The following ACER1 variants were observed in gnomAD, a reference collection of about 807,000 sequenced individuals.
ACER1 encodes the protein CTB-180A7.3.
Under a neutral mutation model 24.9 loss-of-function variants are expected in ACER1, and 28 were observed. The ratio of observed to expected loss-of-function variants is 1.13; its 90% CI spans 0.83 to 1.54. The LOEUF (loss-of-function observed/expected upper bound fraction) is 1.54, where lower values mean the gene tolerates loss of function less well. Among genes scored for constraint, ACER1 ranks in the 40% most tolerant of loss-of-function variants. The pLI, the probability that ACER1 is intolerant of heterozygous loss-of-function variation, is 0.00. For synonymous variants in ACER1, 132 were observed against 131.4 expected, an observed-to-expected ratio of 1.00 and a Z score of -0.03; for missense variants, 352 against 349.3, an observed-to-expected ratio of 1.01 and a Z score of -0.06.
chr19:6,338,310 TA>T (rs2091722829), upstream of ACER1, among the ~76,000 whole-genome samples: 3 of 152,036 alleles, frequency 2.0e-5, no homozygotes, highest in Admixed American at 6.6e-5. Flanking sequence ...ATGTAAGTGT[TA>T]CAATTGTGGT....
At chr19:6,342,258 CTTT>C in the ACER1 span, among the ~76,000 whole-genome samples, 5,203 of 112,120 alleles carry the variant, frequency 0.046, 136 homozygotes, top group African/African-American at 0.082. Context: ...TATCCTAGTT[CTTT>C]TTTTTTTTTT....
At chr19:6,323,191 C>T (rs143102707) in intron 1 of ACER1, among the ~76,000 whole-genome samples, 9,453 of 150,630 alleles carry the variant, frequency 0.063, 392 homozygotes, top group African/African-American at 0.12. Context: ...GAGGCCAAGG[C>T]AGGCAGATCA....
the ACER1 span, among the ~76,000 whole-genome samples, chr19:6,355,777 C>T: frequency 7.5e-5 from 11 of 146,804 alleles, no homozygotes; most frequent in South Asian, 2.1e-4. Context: ...CCCGGCCAGC[C>T]GCCCCGTCCG....
At chr19:6,312,092 T>C in intron 3 of ACER1, 57 bp downstream of exon 3, 2 of 1,585,536 alleles carry the variant, frequency 1.3e-6, no homozygotes, top group Admixed American at 1.7e-5. Flanking sequence ...TGAGCTCATG[T>C]AGAGTCAACT....
the ACER1 span, among the ~76,000 whole-genome samples, chr19:6,351,053 C>T: frequency 6.6e-6 from 1 of 152,110 alleles, no homozygotes; most frequent in Non-Finnish European, 1.5e-5. Context: ...TATAATTAAA[C>T]CAGTGAAGGC....
the ACER1 span, among the ~76,000 whole-genome samples, chr19:6,357,966 G>A: frequency 6.6e-6 from 1 of 152,126 alleles, no homozygotes; most frequent in Non-Finnish European, 1.5e-5. Flanking sequence ...AGAGGACCCC[G>A]CCATCCCACG....
chr19:6,315,667 C>T (rs1275997988), intron 1 of ACER1, among the ~76,000 whole-genome samples: 1 of 150,842 alleles, frequency 6.6e-6, no homozygotes, highest in Non-Finnish European at 1.5e-5. Context: ...GCTTGAGCCA[C>T]CACGGCCAGC....
At chr19:6,333,648 G>GCA, upstream of ACER1, 5 of 1,032,184 alleles carry the variant, frequency 4.8e-6, no homozygotes, top group South Asian at 7.8e-5. Flanking sequence ...GGACAGCCCG[G>GCA]TGCCCCGCGG....
At chr19:6,328,159 A>T (rs1011761202) in intron 1 of ACER1, among the ~76,000 whole-genome samples, 1 of 151,788 alleles carries the variant, frequency 6.6e-6, no homozygotes. Flanking sequence ...ACAGTGGCAT[A>T]GTTGCGTAGT....
chr19:6,323,405 C>T (rs1008693223), intron 1 of ACER1, among the ~76,000 whole-genome samples: 7 of 148,624 alleles, frequency 4.7e-5, no homozygotes, highest in East Asian at 2.0e-4. Flanking sequence ...TGGGTGACAG[C>T]GAGACTCCGT....
the ACER1 span, among the ~76,000 whole-genome samples, chr19:6,353,697 T>A: frequency 6.6e-6 from 1 of 151,250 alleles, no homozygotes; most frequent in Non-Finnish European, 1.5e-5. Flanking sequence ...TGGTGGCACG[T>A]GCATGTAATC....
the ACER1 span, among the ~76,000 whole-genome samples, chr19:6,349,492 G>A: frequency 2.1e-5 from 3 of 140,774 alleles, no homozygotes; most frequent in African/African-American, 5.6e-5. Flanking sequence ...AGGGAGGGAA[G>A]GAAGGAAGGA....
rs2091552338 is a variant in ACER1, at chr19:6,306,404, G to A, written c.*310C>T. 3.4e-6 allele frequency: 1 copy of A among 292,722 alleles called. No homozygotes were observed. The allele number at this position is 292,722 out of a possible 1,614,324, so 18.1% of individuals were successfully genotyped here. On this transcript the variant is annotated 3_prime_UTR_variant, in exon 6 of 6. Transcript: ENST00000301452. ...AGTCACCCCAGTACCTGGTGACACA[G>A]TCCCACCAGCTCATGTGACAATGGT...
At chr19:6,326,888 G>A (rs559478934) in intron 1 of ACER1, among the ~76,000 whole-genome samples, 1 of 152,256 alleles carries the variant, frequency 6.6e-6, no homozygotes, top group East Asian at 1.9e-4. Flanking sequence ...CCACATTGTA[G>A]CTACAGGAAC....
the ACER1 span, among the ~76,000 whole-genome samples, chr19:6,353,194 TG>T: frequency 6.6e-6 from 1 of 152,110 alleles, no homozygotes; most frequent in Non-Finnish European, 1.5e-5. Context: ...TAGCTGGGCG[TG>T]GTGGCTTGCG....
intron 1 of ACER1, among the ~76,000 whole-genome samples, chr19:6,317,315 G>A (rs1053572452): frequency 2.0e-5 from 3 of 152,160 alleles, no homozygotes; most frequent in African/African-American, 4.8e-5. Context: ...ACTAAGACAG[G>A]TGTGGAAAGA....
chr19:6,340,380 A>G, the ACER1 span, among the ~76,000 whole-genome samples: 1 of 150,326 alleles, frequency 6.7e-6, no homozygotes, highest in Non-Finnish European at 1.5e-5. Flanking sequence ...AGGAAGAAAA[A>G]CAGAACTAAA....
chr19:6,341,042 A>G, the ACER1 span, among the ~76,000 whole-genome samples: 3 of 151,648 alleles, frequency 2.0e-5, no homozygotes, highest in Non-Finnish European at 4.4e-5. Context: ...TCTAGAGGCA[A>G]CCCATGTCCT....
intron 1 of ACER1, among the ~76,000 whole-genome samples, chr19:6,324,172 G>A (rs546283524): frequency 6.6e-6 from 1 of 151,410 alleles, no homozygotes; most frequent in South Asian, 2.1e-4. Flanking sequence ...ACCCTCCTAA[G>A]TAGCTGGGAT....
Sources: allele counts gnomAD v4.1 joint callset (sites outside exome capture counted in the v4.1 genomes callset), GRCh38; gene constraint gnomAD v4.1.1; transcripts MANE v1.5; gene names NCBI Gene and HGNC (gene_info 2026-07-23, HGNC 2026-07-21).